Variants in RABGAP1 observed in about 807,000 individuals in gnomAD.
RABGAP1 encodes rab GTPase-activating protein 1.
A neutral mutation model predicts 137.6 loss-of-function variants in RABGAP1; 23 were observed. That is an observed-to-expected ratio of 0.17 (90% confidence interval 0.12 to 0.24). The LOEUF (loss-of-function observed/expected upper bound fraction) is 0.24. Among genes scored for constraint, RABGAP1 ranks in the 10% least tolerant of loss-of-function variants. The pLI is 1.00. For missense variants in RABGAP1, 906 were observed against 1,275.8 expected (o/e 0.71, Z 4.42); for synonymous variants, 451 against 450.7 (o/e 1.00, Z -0.01).
At chr9:122,983,326 A>G (rs1836186512) in intron 2 of RABGAP1, among the ~76,000 whole-genome samples, 3 of 152,232 alleles carry the variant, frequency 2.0e-5, no homozygotes, top group Admixed American at 2.0e-4. Context: ...TGAAATTCAC[A>G]GAAACAGAAA....
chr9:122,998,300 A>C (rs1396536114), intron 9 of RABGAP1, among the ~76,000 whole-genome samples: 1 of 152,044 alleles, frequency 6.6e-6, no homozygotes, highest in Non-Finnish European at 1.5e-5. Flanking sequence ...AGGTTTCACC[A>C]TGTTGGCCAG....
chr9:123,079,785 A>C (rs1332842120), intron 19 of RABGAP1, among the ~76,000 whole-genome samples: 1 of 152,002 alleles, frequency 6.6e-6, no homozygotes, highest in Middle Eastern at 3.2e-3. Flanking sequence ...TCTTCGGCTC[A>C]TATATCCACA....
chr9:122,939,480 TA>T (rs10708496), upstream of RABGAP1: 50,203 of 151,898 alleles, frequency 0.33, 12,749 homozygotes, highest in East Asian at 0.7. Flanking sequence ...CCTTTTTTAT[TA>T]AAAAAAATTT....
At chr9:123,102,021 G>A (rs1036143381) in intron 25 of RABGAP1, among the ~76,000 whole-genome samples, 1 of 152,182 alleles carries the variant, frequency 6.6e-6, no homozygotes, top group Admixed American at 6.5e-5. Context: ...TGAGAAGACA[G>A]TGCTTTAGAA....
intron 13 of RABGAP1, among the ~76,000 whole-genome samples, chr9:123,023,547 T>C (rs947814099): frequency 2.0e-5 from 3 of 152,164 alleles, no homozygotes; most frequent in African/African-American, 7.2e-5. Flanking sequence ...CTCACTTCTT[T>C]CGTTCATCTA....
chr9:123,067,136 C>T (rs1442722295), intron 14 of RABGAP1, among the ~76,000 whole-genome samples: 1 of 152,190 alleles, frequency 6.6e-6, no homozygotes, highest in African/African-American at 2.4e-5. Context: ...ACCCACATTA[C>T]ATTAAGTTGT....
intron 2 of RABGAP1, 109 bp from the exon 3 acceptor site, chr9:122,984,376 C>G (rs1008039928): frequency 1.1e-6 from 1 of 906,460 alleles, no homozygotes; most frequent in Non-Finnish European, 1.7e-6. Context: ...CAGAAGATAT[C>G]TTTGTATCAA....
In RABGAP1 at chr9:123,082,633, AGGAC is replaced by A. The variant is rs1268387234; in HGVS notation, c.2424+5872_2424+5875del. Among the ~76,000 whole-genome samples, 7 of 152,344 alleles carry A rather than the reference AGGAC, an allele frequency of 4.6e-5. No individual in the cohort carries two copies. In the East Asian group the frequency reaches 1.3e-3, roughly 29 times the overall value. ...CAGTGAGTTTCCTAGATCAGACCTG[AGGAC>A]TTGGCCATTTTGCCATAGAATCCTG... On this transcript the variant is annotated intron_variant, in intron 19 of 25. Transcript: ENST00000373647.
chr9:122,998,451 G>T, intron 9 of RABGAP1, 146 bp from the exon 10 acceptor site: 1 of 655,820 alleles, frequency 1.5e-6, no homozygotes, highest in South Asian at 2.6e-5. Context: ...CCAGTTATTT[G>T]TCTAGTTATT....
intron 2 of RABGAP1, among the ~76,000 whole-genome samples, chr9:122,962,187 T>C (rs917874484): frequency 1.3e-5 from 2 of 151,862 alleles, no homozygotes; most frequent in African/African-American, 4.8e-5. Flanking sequence ...AATCAGATGC[T>C]CATTCTGATA....
intron 13 of RABGAP1, chr9:123,034,590 T>C (rs1474461101): frequency 3.7e-6 from 6 of 1,608,114 alleles, no homozygotes; most frequent in Non-Finnish European, 5.1e-6. Flanking sequence ...TGGATGGTAA[T>C]CAGAGCAGCC....
chr9:122,980,906 A>G (rs936868896), intron 2 of RABGAP1, among the ~76,000 whole-genome samples: 25 of 152,176 alleles, frequency 1.6e-4, no homozygotes, highest in African/African-American at 5.8e-4. Flanking sequence ...ACCAGAGATC[A>G]TTTTGATGCC....
At chr9:122,953,128 C>T (rs527258975) in intron 1 of RABGAP1, among the ~76,000 whole-genome samples, 1 of 152,292 alleles carries the variant, frequency 6.6e-6, no homozygotes, top group East Asian at 1.9e-4. Flanking sequence ...CATACAGGCA[C>T]TGTAGACATA....
At chr9:122,988,624 G>A (rs1053466274) in intron 4 of RABGAP1, among the ~76,000 whole-genome samples, 1 of 151,362 alleles carries the variant, frequency 6.6e-6, no homozygotes, top group Non-Finnish European at 1.5e-5. Context: ...TTTCATAACA[G>A]ATTAGGTCAT....
At chr9:122,965,263 T>C (rs1327971659) in intron 2 of RABGAP1, among the ~76,000 whole-genome samples, 1 of 152,188 alleles carries the variant, frequency 6.6e-6, no homozygotes, top group Non-Finnish European at 1.5e-5. Flanking sequence ...TATGAAATAT[T>C]CAGAATAGGC....
At chr9:122,943,149 A>C (rs566206944) in intron 1 of RABGAP1, among the ~76,000 whole-genome samples, 1 of 140,150 alleles carries the variant, frequency 7.1e-6, no homozygotes, top group East Asian at 2.1e-4. Flanking sequence ...ATCTTGGCTC[A>C]CTGCAACCTC....
At chr9:122,993,950 C>T (rs1836880868) in intron 6 of RABGAP1, among the ~76,000 whole-genome samples, 2 of 152,218 alleles carry the variant, frequency 1.3e-5, no homozygotes, top group African/African-American at 4.8e-5. Flanking sequence ...AAGCATGAGC[C>T]ACCGTGCCCG....
chr9:122,947,686 G>A (rs144353037), intron 1 of RABGAP1, among the ~76,000 whole-genome samples: 307 of 152,282 alleles, frequency 2.0e-3, no homozygotes, highest in South Asian at 3.7e-3. Flanking sequence ...GTGAGTTTTA[G>A]ATAAGCTAGT....
At chr9:122,957,488 T>C (rs1834588637) in intron 2 of RABGAP1, among the ~76,000 whole-genome samples, 1 of 152,212 alleles carries the variant, frequency 6.6e-6, no homozygotes, top group Non-Finnish European at 1.5e-5. Flanking sequence ...CACTTTTCCA[T>C]TGAATTACAA....
Sources: allele counts gnomAD v4.1 joint callset (sites outside exome capture counted in the v4.1 genomes callset), GRCh38; gene constraint gnomAD v4.1.1; transcripts MANE v1.5; gene names NCBI Gene and HGNC (gene_info 2026-07-23, HGNC 2026-07-21).